The following TMEM63A variants were observed in gnomAD, a reference collection of about 807,000 sequenced individuals.
The protein encoded by TMEM63A is mechanosensitive cation channel TMEM63A.
A neutral mutation model predicts 100.6 loss-of-function variants in TMEM63A; 76 were observed. The ratio of observed to expected loss-of-function variants is 0.76; its 90% CI spans 0.63 to 0.91. The LOEUF (loss-of-function observed/expected upper bound fraction) is 0.91. Among genes scored for constraint, TMEM63A ranks in the 40% least tolerant of loss-of-function variants. The pLI is 0.00. For synonymous variants in TMEM63A, 401 were observed against 401.1 expected (o/e 1.00, Z 0.00); for missense variants, 876 against 1,008.8 (o/e 0.87, Z 1.78).
downstream of TMEM63A, chr1:225,844,665 AGGCAGGG>A (rs1343470934): frequency 6.2e-7 from 1 of 1,611,540 alleles, no homozygotes; most frequent in Non-Finnish European, 8.5e-7. Flanking sequence ...CTGAGGCTGG[AGGCAGGG>A]GGACGGCCAG....
chr1:225,862,014 C>CTCCGTG lies in TMEM63A; in HGVS notation c.1085+203_1085+204insCACGGA. The CTCCGTG allele has an allele frequency of 1.3e-6, 1 of 788,874 alleles. No individual in the cohort carries two copies. Among genetic ancestry groups the CTCCGTG allele is most frequent in the Non-Finnish European group, 2.0e-6 (1 of 509,450 alleles). 48.9% of individuals were successfully genotyped at this position (788,874 alleles called of 1,614,324 possible). A position where few individuals can be genotyped will look rare whatever the true frequency, so the allele number is the denominator to read the frequency against. ...GAATCACCCACTCCGTGGCTGCTGC[C>CTCCGTG]CACACCCCCACCGCCTGTTACACAA... On this transcript the variant is annotated intron_variant, in intron 13 of 24. Coordinates refer to ENST00000366835, the MANE Select transcript of TMEM63A (RefSeq NM_014698.3). The surrounding 1 kb of genome is among the most constrained non-coding windows in gnomAD (Gnocchi z 5.1).
chr1:225,879,975 C>T (rs1322095709), intron 1 of TMEM63A, among the ~76,000 whole-genome samples: 2 of 116,516 alleles, frequency 1.7e-5, no homozygotes, highest in African/African-American at 5.3e-5. Flanking sequence ...GTGGCATACC[C>T]TCGCCAGTGC....
intron 9 of TMEM63A, chr1:225,866,225 G>C (rs960102960): frequency 1.9e-6 from 1 of 538,836 alleles, no homozygotes; most frequent in Non-Finnish European, 3.3e-6. Context: ...AAGAGGGGAA[G>C]TGACTCAAAT....
At chr1:225,851,956 AG>A (rs538946261) in intron 20 of TMEM63A, among the ~76,000 whole-genome samples, 3 of 152,244 alleles carry the variant, frequency 2.0e-5, no homozygotes, top group Non-Finnish European at 4.4e-5. Context: ...TTTTGTGTGA[AG>A]GGGGAATAGA....
At chr1:225,873,980 T>C (rs1163120631) in intron 4 of TMEM63A, among the ~76,000 whole-genome samples, 1 of 152,178 alleles carries the variant, frequency 6.6e-6, no homozygotes, top group Non-Finnish European at 1.5e-5. Flanking sequence ...GGGTTTTTGT[T>C]TTTGTTTTTT....
At chr1:225,876,191 C>T (rs1576117204) in intron 3 of TMEM63A, among the ~76,000 whole-genome samples, 2 of 151,616 alleles carry the variant, frequency 1.3e-5, no homozygotes, top group South Asian at 2.1e-4. Flanking sequence ...GGTCCCTGCC[C>T]AGGTCCCCCT....
intron 15 of TMEM63A, among the ~76,000 whole-genome samples, chr1:225,857,602 T>TAA (rs887731690): frequency 7.0e-6 from 1 of 143,642 alleles, no homozygotes; most frequent in Admixed American, 7.0e-5. Context: ...AGTCAATTTC[T>TAA]AAAAAAAAAA....
chr1:225,848,705 T>G, intron 22 of TMEM63A, 151 bp from the exon 23 acceptor site: 1 of 921,046 alleles, frequency 1.1e-6, no homozygotes, highest in South Asian at 1.6e-5. Flanking sequence ...GGTGGGGGAG[T>G]GCAGGGATGA....
chr1:225,868,691 A>G (rs1232641365), intron 6 of TMEM63A, among the ~76,000 whole-genome samples: 1 of 151,446 alleles, frequency 6.6e-6, no homozygotes, highest in Admixed American at 6.6e-5. Context: ...CATCTCAAAA[A>G]AGAAAAAAAA....
Position 225,853,473 on chromosome 1 carries a change from C to A in TMEM63A, c.1797+156G>T, listed in dbSNP as rs890440964. Among the ~76,000 whole-genome samples the A allele has an allele frequency of 6.6e-6, 1 of 152,070 alleles. No individual in the cohort carries two copies. The highest frequency in any genetic ancestry group is 1.5e-5 in the Non-Finnish European group (1 of 68,018). ...GGAGGAGGCCACGCCTGCCTGGACCCGGGTTTGAGAAGCACTTAGCCCAGT... is the reference window on the plus strand; with the variant it reads ...GGAGGAGGCCACGCCTGCCTGGACCAGGGTTTGAGAAGCACTTAGCCCAGT... On this transcript the variant is annotated intron_variant, in intron 19 of 24. Coordinates refer to ENST00000366835, the MANE Select transcript of TMEM63A (RefSeq NM_014698.3). The surrounding 1 kb of genome is among the most constrained non-coding windows in gnomAD (Gnocchi z 4.0).
chr1:225,866,054 G>A (rs1576098543), intron 9 of TMEM63A, 87 bp from the exon 10 acceptor site: 3 of 1,382,210 alleles, frequency 2.2e-6, no homozygotes, highest in Admixed American at 3.8e-5. Context: ...CCAGCCTCTG[G>A]AAAGTAAACA....
At chr1:225,842,247 G>A (rs1328439380), downstream of TMEM63A, 38 of 782,094 alleles carry the variant, frequency 4.9e-5, no homozygotes, top group Middle Eastern at 2.3e-4. Context: ...GCCTGTGCTC[G>A]AACGTGGCTT....
intron 14 of TMEM63A, chr1:225,859,970 T>C (rs189944871): frequency 6.4e-6 from 1 of 155,312 alleles, no homozygotes; most frequent in Admixed American, 6.2e-5. Flanking sequence ...CTTAGACACA[T>C]CTGCAATGCT....
At chr1:225,850,868 T>C (rs1482696079) in intron 20 of TMEM63A, among the ~76,000 whole-genome samples, 2 of 152,112 alleles carry the variant, frequency 1.3e-5, no homozygotes, top group African/African-American at 2.4e-5. Context: ...CCTGACACCA[T>C]GCCCGGCTAA....
chr1:225,845,121 C>T, downstream of TMEM63A: 2 of 1,613,488 alleles, frequency 1.2e-6, no homozygotes, highest in South Asian at 1.1e-5. Flanking sequence ...CAGCCTCACC[C>T]CTCCGTCGGC....
Position 225,860,724 on chromosome 1 carries a change from A to C in TMEM63A, c.1223+136T>G, listed in dbSNP as rs370856175. 28 of 1,153,596 alleles carry C rather than the reference A, an allele frequency of 2.4e-5. No individual in the cohort carries two copies. The South Asian group carries it at 4.8e-4, about 20-fold the overall frequency. The allele number at this position is 1,153,596 out of a possible 1,614,324, so 71.5% of individuals were successfully genotyped here. Reference sequence around the variant, plus strand: ...AGTTGGGCCACACCGAGCACATCACAGCATCACAGCCCACAGAATTGCAGA... The same window carrying C: ...AGTTGGGCCACACCGAGCACATCACCGCATCACAGCCCACAGAATTGCAGA... On this transcript the variant is annotated intron_variant, in intron 14 of 24. Coordinates refer to ENST00000366835, the MANE Select transcript of TMEM63A (RefSeq NM_014698.3).
intron 20 of TMEM63A, among the ~76,000 whole-genome samples, chr1:225,850,671 A>C (rs1028710224): frequency 2.6e-5 from 4 of 152,148 alleles, no homozygotes; most frequent in African/African-American, 9.7e-5. Context: ...CAGGCTGCAG[A>C]GCCCCTTAGC....
intron 18 of TMEM63A, among the ~76,000 whole-genome samples, chr1:225,855,088 C>T (rs948249640): frequency 6.6e-6 from 1 of 152,200 alleles, no homozygotes; most frequent in African/African-American, 2.4e-5. Flanking sequence ...AACTCATCAG[C>T]TTACTCAGCA....
chr1:225,873,313 A>G (rs185872681), intron 4 of TMEM63A, among the ~76,000 whole-genome samples: 323 of 152,286 alleles, frequency 2.1e-3, no homozygotes, highest in Admixed American at 4.5e-3. Context: ...CAACAGTCCA[A>G]GGTCATCATC....
Sources: allele counts gnomAD v4.1 joint callset (sites outside exome capture counted in the v4.1 genomes callset), GRCh38; gene constraint gnomAD v4.1.1; non-coding constraint Gnocchi (gnomAD v3.1); transcripts MANE v1.5; gene names NCBI Gene and HGNC (gene_info 2026-07-23, HGNC 2026-07-21).